Variants in SMG6 observed in about 807,000 individuals in gnomAD.
SMG6 encodes the protein SMG6 nonsense mediated mRNA decay factor.
SMG6 carries 66 observed loss-of-function variants against 142.2 expected under a neutral mutation model. The observed-to-expected ratio is 0.46, with a 90% CI of 0.38 to 0.57. SMG6 has a LOEUF of 0.57. Ranked by LOEUF, SMG6 falls within the 20% of genes least tolerant of loss-of-function variation. The probability of loss-of-function intolerance (pLI) is 0.00; values close to 1 mark genes in which losing one functional copy is unlikely to be tolerated. For missense variants in SMG6, 1,793 were observed against 1,832.0 expected (o/e 0.98, Z 0.39); for synonymous variants, 779 against 702.4 (o/e 1.11, Z -1.72).
intron 13 of SMG6, among the ~76,000 whole-genome samples, chr17:2,124,389 C>G (rs967175784): frequency 3.9e-5 from 6 of 152,238 alleles, no homozygotes; most frequent in Non-Finnish European, 7.3e-5. Context: ...AAGTAATATT[C>G]TAGCCTCTTT....
At chr17:2,227,601 G>C (rs890020281) in intron 10 of SMG6, among the ~76,000 whole-genome samples, 4 of 152,164 alleles carry the variant, frequency 2.6e-5, no homozygotes, top group African/African-American at 4.8e-5. Context: ...AACTGGGATG[G>C]GCACAAAGAG....
intron 8 of SMG6, among the ~76,000 whole-genome samples, chr17:2,263,733 A>T (rs2074365226): frequency 6.6e-6 from 1 of 152,190 alleles, no homozygotes; most frequent in Non-Finnish European, 1.5e-5. Flanking sequence ...GGCTTCCAAG[A>T]GGGGAAGAAC....
chr17:2,088,304 G>C, intron 13 of SMG6: 1 of 985,374 alleles, frequency 1.0e-6, no homozygotes, highest in African/African-American at 1.7e-5. Context: ...CTGGAGATGG[G>C]GATTTCCAGG....
At chr17:2,107,066 T>C (rs552423985) in intron 13 of SMG6, among the ~76,000 whole-genome samples, 2 of 152,332 alleles carry the variant, frequency 1.3e-5, no homozygotes, top group South Asian at 2.1e-4. Context: ...ATGTTGGTCA[T>C]GCTAGTCTTG....
At chr17:2,080,486 G>A (rs1442644986) in intron 15 of SMG6, among the ~76,000 whole-genome samples, 1 of 152,194 alleles carries the variant, frequency 6.6e-6, no homozygotes, top group Non-Finnish European at 1.5e-5. Flanking sequence ...CTCTTCCCTG[G>A]CCAGGGTGAT....
At chr17:2,075,987 A>G (rs2068246836) in intron 15 of SMG6, among the ~76,000 whole-genome samples, 1 of 152,068 alleles carries the variant, frequency 6.6e-6, no homozygotes, top group Admixed American at 6.5e-5. Context: ...CAGGCTGCAG[A>G]GGGAGACCAG....
At chr17:2,250,679 T>C (rs2074026981) in intron 8 of SMG6, among the ~76,000 whole-genome samples, 1 of 152,160 alleles carries the variant, frequency 6.6e-6, no homozygotes, top group Non-Finnish European at 1.5e-5. Flanking sequence ...TCACTGGTCC[T>C]GGCCCCATAT....
At chr17:2,280,629 T>G in intron 8 of SMG6, 1 of 978,516 alleles carries the variant, frequency 1.0e-6, no homozygotes, top group Non-Finnish European at 1.2e-6. Flanking sequence ...AGATTTAAAT[T>G]TAAAGAAAAT....
At chr17:2,294,080 G>A (rs758684038) in intron 4 of SMG6, among the ~76,000 whole-genome samples, 2 of 152,078 alleles carry the variant, frequency 1.3e-5, no homozygotes, top group Admixed American at 1.3e-4. Context: ...ACTGAATAAA[G>A]AACAAAGCTT....
chr17:2,157,318 C>T (rs569712099), intron 13 of SMG6, among the ~76,000 whole-genome samples: 230 of 152,274 alleles, frequency 1.5e-3, no homozygotes, highest in African/African-American at 5.3e-3. Flanking sequence ...AACCAGGCCT[C>T]GCTCTGTTTT....
intron 8 of SMG6, among the ~76,000 whole-genome samples, chr17:2,266,725 G>T (rs1179145232): frequency 6.6e-6 from 1 of 152,194 alleles, no homozygotes; most frequent in Non-Finnish European, 1.5e-5. Flanking sequence ...CCCTGAAGTG[G>T]TTTGGTGACC....
intron 13 of SMG6, among the ~76,000 whole-genome samples, chr17:2,113,372 G>A (rs2069400518): frequency 6.6e-6 from 1 of 152,104 alleles, no homozygotes; most frequent in Non-Finnish European, 1.5e-5. Context: ...CACTATGCTG[G>A]GCCTAAGGCC....
At chr17:2,201,420 A>AC (rs2072517303) in intron 10 of SMG6, among the ~76,000 whole-genome samples, 1 of 152,210 alleles carries the variant, frequency 6.6e-6, no homozygotes, top group Non-Finnish European at 1.5e-5. Context: ...AGACCGGGGC[A>AC]CAGTGACTCA....
intron 15 of SMG6, among the ~76,000 whole-genome samples, chr17:2,073,760 AT>A (rs1036166686): frequency 3.3e-5 from 5 of 150,534 alleles, no homozygotes; most frequent in Non-Finnish European, 5.9e-5. Flanking sequence ...CCTGACCAAC[AT>A]GGTGAAACCC....
chr17:2,234,910 C>G (rs1393933371), intron 10 of SMG6, among the ~76,000 whole-genome samples: 2 of 152,116 alleles, frequency 1.3e-5, no homozygotes, highest in African/African-American at 4.8e-5. Flanking sequence ...TACATTCACA[C>G]CTAAAGAAGC....
chr17:2,244,601 T>G (rs1201936858), intron 9 of SMG6, 57 bp downstream of exon 9: 1 of 1,429,544 alleles, frequency 7.0e-7, no homozygotes. Context: ...CTAACAATAT[T>G]AAATTCCAAA....
intron 12 of SMG6, among the ~76,000 whole-genome samples, chr17:2,176,501 T>G (rs1252530524): frequency 1.3e-5 from 2 of 152,204 alleles, no homozygotes; most frequent in Admixed American, 6.5e-5. Flanking sequence ...TGGTTTGTTC[T>G]GGTTCAATGC....
At chr17:2,254,241 G>A (rs2074113770) in intron 8 of SMG6, among the ~76,000 whole-genome samples, 1 of 152,246 alleles carries the variant, frequency 6.6e-6, no homozygotes, top group African/African-American at 2.4e-5. Flanking sequence ...TCCAGGAAGT[G>A]AGAGAGAAGA....
At chr17:2,140,362 CTTTA>C (rs1032285840) in intron 13 of SMG6, among the ~76,000 whole-genome samples, 13 of 152,220 alleles carry the variant, frequency 8.5e-5, no homozygotes, top group African/African-American at 2.9e-4. Flanking sequence ...TGGCCTGACA[CTTTA>C]TTTTTTTAAA....
Sources: gnomAD v4.1 joint callset for allele counts (sites outside exome capture counted in the v4.1 genomes callset) on GRCh38, gnomAD v4.1.1 for gene constraint, MANE v1.5 for transcripts, NCBI Gene and HGNC (gene_info 2026-07-23, HGNC 2026-07-21) for gene names.